The following FAT3 variants were observed in gnomAD, a reference collection of about 807,000 sequenced individuals.
The protein encoded by FAT3 is FAT atypical cadherin 3.
In FAT3, 95 loss-of-function variants were observed where a neutral mutation model predicts 310.2. That is an observed-to-expected ratio of 0.31 (90% CI 0.26 to 0.36). The LOEUF (loss-of-function observed/expected upper bound fraction) is 0.36. FAT3 is among the 10% of genes least tolerant of loss of function. FAT3 has a pLI of 1.00. For missense variants in FAT3, 5,408 were observed against 5,715.6 expected (o/e 0.95, Z 1.74); for synonymous variants, 2,314 against 2,192.9 (o/e 1.06, Z -1.54).
chr11:92,567,180 G>C (rs545968070), intron 3 of FAT3, among the ~76,000 whole-genome samples: 46 of 97,938 alleles, frequency 4.7e-4, no homozygotes, highest in South Asian at 2.5e-3. Context: ...TGAACTCAAA[G>C]AAATTTACAA....
Position 92,891,141 on chromosome 11 carries a change from T to C in FAT3, c.*28T>C. 1.2e-6 allele frequency: 2 copies of C among 1,603,168 alleles called. No individual in the cohort carries two copies. The highest frequency in any genetic ancestry group is 1.7e-6 in the Non-Finnish European group (2 of 1,173,794). ...ATCACATCTTGGGTACTTCACCCTG[T>C]TTGTTACAGAAAAGTGGAAGCAGAT... On this transcript the variant is annotated 3_prime_UTR_variant, in exon 28 of 28. Transcript: ENST00000525166.
chr11:92,791,243 C>T (rs1195311810), intron 8 of FAT3, among the ~76,000 whole-genome samples: 3 of 152,110 alleles, frequency 2.0e-5, no homozygotes, highest in Non-Finnish European at 2.9e-5. Flanking sequence ...ACTTACTGTG[C>T]ACCAAACTTT....
In FAT3 at chr11:92,887,011, G is replaced by C; in HGVS notation, c.12949G>C (p.Asp4317His). Residue 4317 changes from aspartate to histidine, a missense_variant, in exon 25 of 28, where the codon GAT becomes CAT. Physicochemically the swap from Asp to His is moderately conservative, Grantham distance 81 (BLOSUM62 -1). Coordinates refer to ENST00000525166, the MANE Select transcript of FAT3 (RefSeq NM_001367949.2). The part of the protein sequence containing the change: ...WDAGTENKGV[D>H]DPGEVTCFAG... ...CACTGTCCATGAAGACAAAGGGGTTGATGACCCGGGAGAAGTGACCTGCTT... is the reference window on the plus strand; with the variant it reads ...CACTGTCCATGAAGACAAAGGGGTTCATGACCCGGGAGAAGTGACCTGCTT... The C allele has an allele frequency of 6.2e-7, 1 of 1,604,834 alleles. No individual in the cohort carries two copies. Among genetic ancestry groups the C allele is most frequent in the Non-Finnish European group, 8.5e-7 (1 of 1,175,814 alleles).
chr11:92,303,211 T>G (rs1030929883), intron 1 of FAT3, among the ~76,000 whole-genome samples: 6 of 152,110 alleles, frequency 3.9e-5, no homozygotes, highest in African/African-American at 1.2e-4. Context: ...TTCCAAAATT[T>G]CCTTGGGAAA....
Position 92,524,619 on chromosome 11 carries a change from T to C in FAT3, c.3293-15T>C. ...CCTTTCTCTGTGACAGTAACACTTC[T>C]CTTTTTTGTCTCAGGGGTCATCACT... On this transcript the variant is annotated splice_polypyrimidine_tract_variant and intron_variant, in intron 2 of 27. Coordinates refer to ENST00000525166, the MANE Select transcript of FAT3 (RefSeq NM_001367949.2). The C allele has an allele frequency of 6.2e-7, 1 of 1,605,294 alleles. No homozygotes were observed. The highest frequency in any genetic ancestry group is 8.5e-7 in the Non-Finnish European group (1 of 1,173,514).
At chr11:92,676,598 T>C (rs1221106631) in intron 3 of FAT3, among the ~76,000 whole-genome samples, 3 of 152,172 alleles carry the variant, frequency 2.0e-5, no homozygotes, top group Non-Finnish European at 4.4e-5. Flanking sequence ...ACATTTTTGT[T>C]GAGTGAATCA....
chr11:92,584,782 C>G (rs1939045360), intron 3 of FAT3, among the ~76,000 whole-genome samples: 1 of 151,634 alleles, frequency 6.6e-6, no homozygotes, highest in African/African-American at 2.4e-5. Flanking sequence ...TCTTCAGGGG[C>G]CACTTCATTT....
At chr11:92,226,416 G>C (rs957984163) in intron 1 of FAT3, among the ~76,000 whole-genome samples, 2 of 151,820 alleles carry the variant, frequency 1.3e-5, no homozygotes, top group African/African-American at 4.8e-5. Context: ...GGGGGTGGCG[G>C]GGGCGTGCTT....
At chr11:92,358,876 T>C (rs997333679) in intron 2 of FAT3, among the ~76,000 whole-genome samples, 3 of 152,230 alleles carry the variant, frequency 2.0e-5, no homozygotes, top group African/African-American at 7.2e-5. Flanking sequence ...TTACTGAGTC[T>C]CAGGTCTAGA....
At chr11:92,701,356 G>A (rs1303084416) in intron 4 of FAT3, among the ~76,000 whole-genome samples, 3 of 152,202 alleles carry the variant, frequency 2.0e-5, no homozygotes, top group South Asian at 2.1e-4. Flanking sequence ...GCTTGATGGT[G>A]TATGGGCTGC....
intron 3 of FAT3, among the ~76,000 whole-genome samples, chr11:92,657,754 T>C (rs577777432): frequency 6.6e-6 from 1 of 152,348 alleles, no homozygotes; most frequent in East Asian, 1.9e-4. Context: ...AACGGGTTGA[T>C]GAAATCTAAA....
intron 1 of FAT3, among the ~76,000 whole-genome samples, chr11:92,272,714 C>A (rs978683244): frequency 6.6e-6 from 1 of 151,862 alleles, no homozygotes; most frequent in Non-Finnish European, 1.5e-5. Context: ...AAAATGTGCC[C>A]CAAATGACTG....
chr11:92,643,722 G>A (rs1942045488), intron 3 of FAT3, among the ~76,000 whole-genome samples: 1 of 152,208 alleles, frequency 6.6e-6, no homozygotes, highest in African/African-American at 2.4e-5. Context: ...AACACCCCAG[G>A]CTCTCACAGA....
At chr11:92,629,744 T>C (rs974548254) in intron 3 of FAT3, among the ~76,000 whole-genome samples, 1 of 152,132 alleles carries the variant, frequency 6.6e-6, no homozygotes, top group African/African-American at 2.4e-5. Context: ...CCTATAAATA[T>C]GCCTGTCTCT....
At chr11:92,574,657 T>C in intron 3 of FAT3, among the ~76,000 whole-genome samples, 1 of 152,190 alleles carries the variant, frequency 6.6e-6, no homozygotes, top group East Asian at 1.9e-4. Flanking sequence ...CTTACCTTAA[T>C]GGGTTTGAGG....
chr11:92,745,286 A>G (rs1199730962), intron 4 of FAT3, among the ~76,000 whole-genome samples: 2 of 152,212 alleles, frequency 1.3e-5, no homozygotes, highest in Non-Finnish European at 2.9e-5. Context: ...GTTGTGAACT[A>G]GTGCAGAGGG....
rs924497359 is a variant in FAT3 at position 92,894,569 on chromosome 11, T to C, written c.*3456T>C. ...GCACACATTCTGGTTAGGTTGAGAA[T>C]AGCTAGACTCTTGGTGCTCGTCATA... On this transcript the variant is annotated 3_prime_UTR_variant, in exon 28 of 28. Coordinates refer to ENST00000525166, the MANE Select transcript of FAT3 (RefSeq NM_001367949.2). 1 of 152,224 alleles carries C rather than the reference T, an allele frequency of 6.6e-6. No homozygotes were observed. The highest frequency in any genetic ancestry group is 1.5e-5 in the Non-Finnish European group (1 of 68,036). The allele number at this position is 152,224 out of a possible 1,614,324, so 9.4% of individuals were successfully genotyped here.
At chr11:92,688,201 A>G (rs1186895666) in intron 3 of FAT3, among the ~76,000 whole-genome samples, 2 of 151,984 alleles carry the variant, frequency 1.3e-5, no homozygotes, top group Admixed American at 1.3e-4. Flanking sequence ...CCTGTCTTTA[A>G]ATATTAATTA....
rs555001736 is a variant in FAT3 at position 92,761,166 on chromosome 11, A to G, written c.3670-690A>G. Among the ~76,000 whole-genome samples the G allele has an allele frequency of 2.0e-5, 3 of 152,270 alleles. No individual in the cohort carries two copies. The South Asian group carries it at 6.2e-4, about 32-fold the overall frequency. On this transcript the variant is annotated intron_variant, in intron 4 of 27. Coordinates refer to ENST00000525166, the MANE Select transcript of FAT3 (RefSeq NM_001367949.2). ...AAATAACAGAAATTTATTGTTCACA[A>G]TTCTGGAAGCTGGGAAGTCTAAAAT...
Sources: allele counts gnomAD v4.1 joint callset (sites outside exome capture counted in the v4.1 genomes callset), GRCh38; gene constraint gnomAD v4.1.1; transcripts MANE v1.5; gene names NCBI Gene and HGNC (gene_info 2026-07-23, HGNC 2026-07-21).